The following CPPED1 variants were observed in gnomAD, a reference collection of about 807,000 sequenced individuals.
CPPED1 encodes calcineurin like phosphoesterase domain containing 1.
Under a neutral mutation model 28.0 loss-of-function variants are expected in CPPED1, and 28 were observed. The ratio of observed to expected loss-of-function variants is 1.00; its 90% CI spans 0.74 to 1.37. CPPED1 has a LOEUF of 1.37. Among genes scored for constraint, CPPED1 ranks in the 40% most tolerant of loss-of-function variants. The pLI is 0.00. For missense variants in CPPED1, 504 were observed against 416.5 expected, an observed-to-expected ratio of 1.21 and a Z score of -1.83; for synonymous variants, 198 against 180.2, an observed-to-expected ratio of 1.10 and a Z score of -0.79.
chr16:12,768,525 G>C (rs1315212371), intron 2 of CPPED1, among the ~76,000 whole-genome samples: 1 of 152,074 alleles, frequency 6.6e-6, no homozygotes, highest in Non-Finnish European at 1.5e-5. Context: ...TTTATATTTT[G>C]GTCAATTAAA....
chr16:12,771,634 GC>G (rs780987124), intron 2 of CPPED1, among the ~76,000 whole-genome samples: 9 of 152,162 alleles, frequency 5.9e-5, no homozygotes, highest in Non-Finnish European at 1.3e-4. Flanking sequence ...GCTTATTATG[GC>G]CTGTCTTGTA....
In CPPED1 at chr16:12,704,624, C is replaced by T. The variant is rs200125670; in HGVS notation, c.715G>A (p.Gly239Ser). The change falls in exon 3 of 4, where the codon GGT (glycine) becomes AGT (serine). Residue 239 changes from glycine (G) to serine (S), a missense_variant and splice_region_variant. Coordinates refer to ENST00000381774, the MANE Select transcript of CPPED1 (RefSeq NM_018340.3). ...GAAACCCGTGGCCCGGGGCCTCTAC[C>T]TGCGTGGATGAACTTGTCTGCCAAC... ...KKLADKFIHA[G>S]VKVVFSGHYH... 216 of 1,606,080 alleles carry T rather than the reference C, an allele frequency of 1.3e-4. No homozygotes were observed. Among genetic ancestry groups the T allele is most frequent in the Non-Finnish European group, 1.7e-4 (200 of 1,174,690 alleles).
In CPPED1 at chr16:12,697,382, C is replaced by CCCCA. The variant is rs1555484910; in HGVS notation, c.715+7241_715+7242insTGGG. Among the ~76,000 whole-genome samples the CCCCA allele has an allele frequency of 2.6e-3, 394 of 151,600 alleles. 4 individuals carry two copies. Among genetic ancestry groups the CCCCA allele is most frequent in the African/African-American group, 9.1e-3 (378 of 41,430 alleles). On this transcript the variant is annotated intron_variant, in intron 3 of 3. Transcript: ENST00000381774. The stretch of plus-strand genomic sequence containing the variant: ...CACCATGGACCCTCTTGTCTGCAAT[C>CCCCA]CATCACATCCTGGTCTTCAGGGGAA...
At position 12,678,827 on chromosome 16, in the gene CPPED1, T is replaced by C. The variant is rs563323540; in HGVS notation, c.716-13712A>G. 2.6e-5 allele frequency among the ~76,000 whole-genome samples: 4 copies of C among 152,342 alleles called. No homozygotes were observed. The East Asian group carries it at 7.7e-4, about 29-fold the overall frequency. On this transcript the variant is annotated intron_variant, in intron 3 of 3. Transcript: ENST00000381774. ...TTCTAAGTTAAAAAAAATCGTATCA[T>C]CTGCAAATAGGCCATTTTACTTCCT...
chr16:12,755,446 T>A (rs752103206), intron 2 of CPPED1, among the ~76,000 whole-genome samples: 28 of 151,822 alleles, frequency 1.8e-4, no homozygotes, highest in Admixed American at 7.9e-4. Flanking sequence ...CATGCCTGGC[T>A]AATTTTTGTA....
At chr16:12,793,582 A>G (rs1318162585) in intron 1 of CPPED1, among the ~76,000 whole-genome samples, 1 of 152,214 alleles carries the variant, frequency 6.6e-6, no homozygotes. Flanking sequence ...TCCTACCTCA[A>G]AAGGGTTGTT....
chr16:12,771,439 G>T (rs978852200), intron 2 of CPPED1, among the ~76,000 whole-genome samples: 2 of 152,188 alleles, frequency 1.3e-5, no homozygotes, highest in African/African-American at 2.4e-5. Context: ...CTTGCACTGG[G>T]CACTAAATGA....
chr16:12,761,822 C>T (rs1029740332), intron 2 of CPPED1, among the ~76,000 whole-genome samples: 4 of 152,086 alleles, frequency 2.6e-5, no homozygotes, highest in African/African-American at 7.2e-5. Flanking sequence ...ACCAGCTTGG[C>T]CAACATGGCA....
chr16:12,709,633 T>C lies in CPPED1; in HGVS notation c.290-4584A>G, dbSNP rs2080069329. On this transcript the variant is annotated intron_variant, in intron 2 of 3. Transcript: ENST00000381774. The surrounding 1 kb of genome is among the most constrained non-coding windows in gnomAD (Gnocchi z 4.4). ...GCAGACATTAGTATCTTGGTTGTTT[T>C]CCAAATAGCCTTAAAATACATTGTC... is the stretch of plus-strand genomic sequence containing the variant. Among the ~76,000 whole-genome samples the C allele has an allele frequency of 6.6e-6, 1 of 152,220 alleles. No homozygotes were observed. The highest frequency in any genetic ancestry group is 2.4e-5 in the African/African-American group (1 of 41,460).
chr16:12,691,715 A>G (rs1000791684), intron 3 of CPPED1, among the ~76,000 whole-genome samples: 5 of 151,344 alleles, frequency 3.3e-5, no homozygotes, highest in African/African-American at 9.7e-5. Context: ...CGCAAGGACA[A>G]AAGACCAAAC....
At chr16:12,726,047 A>T (rs2080168276) in intron 2 of CPPED1, among the ~76,000 whole-genome samples, 1 of 149,008 alleles carries the variant, frequency 6.7e-6, no homozygotes, top group Non-Finnish European at 1.5e-5. Flanking sequence ...AGAAAAAATC[A>T]TTTTTTTTTT....
At chr16:12,727,356 GTTTC>G (rs1442478410) in intron 2 of CPPED1, among the ~76,000 whole-genome samples, 4 of 152,090 alleles carry the variant, frequency 2.6e-5, no homozygotes, top group Non-Finnish European at 5.9e-5. Flanking sequence ...AAAGCCTTTT[GTTTC>G]TTTGTTTGTT....
Position 12,711,247 on chromosome 16 carries a change from T to C in CPPED1, c.290-6198A>G, listed in dbSNP as rs76021733. Among the ~76,000 whole-genome samples, 401 of 152,286 alleles carry C rather than the reference T, an allele frequency of 2.6e-3. 2 individuals carry two copies. Among genetic ancestry groups the C allele is most frequent in the African/African-American group, 9.1e-3 (380 of 41,558 alleles). On this transcript the variant is annotated intron_variant, in intron 2 of 3. Coordinates refer to ENST00000381774, the MANE Select transcript of CPPED1 (RefSeq NM_018340.3). ...TAAGTCATGCAGAAAAAACAAATAC[T>C]GTTTGATGTCACTTATATGAGGCAC...
chr16:12,667,388 C>G (rs1163924791), intron 3 of CPPED1, among the ~76,000 whole-genome samples: 1 of 152,078 alleles, frequency 6.6e-6, no homozygotes, highest in Non-Finnish European at 1.5e-5. Context: ...TGAATGAGAA[C>G]AGGAGGTAAT....
intron 2 of CPPED1, among the ~76,000 whole-genome samples, chr16:12,779,593 T>A (rs1347915032): frequency 1.3e-5 from 2 of 152,134 alleles, no homozygotes; most frequent in East Asian, 3.9e-4. Flanking sequence ...TTTCACCATG[T>A]TGGCCAGGCT....
intron 1 of CPPED1, among the ~76,000 whole-genome samples, chr16:12,795,947 G>A (rs2080625116): frequency 6.6e-6 from 1 of 151,968 alleles, no homozygotes; most frequent in Admixed American, 6.6e-5. Flanking sequence ...GCCAGGTGCA[G>A]TGGCATGCAC....
At chr16:12,717,376 G>T (rs1273933576) in intron 2 of CPPED1, among the ~76,000 whole-genome samples, 1 of 152,164 alleles carries the variant, frequency 6.6e-6, no homozygotes, top group African/African-American at 2.4e-5. Flanking sequence ...CCATTCTCCT[G>T]CCTCAGTCTC....
rs71142517 is a variant in CPPED1 at position 12,734,058 on chromosome 16, G to GTTTTTTT, written c.290-29016_290-29010dup. 2.9e-3 allele frequency among the ~76,000 whole-genome samples: 187 copies of GTTTTTTT among 64,426 alleles called. 43 individuals are homozygous for GTTTTTTT. The highest frequency in any genetic ancestry group is 0.014 in the African/African-American group (160 of 11,728). The allele number at this position is 64,426 out of a possible 152,430, so 42.3% of individuals were successfully genotyped here. A position where few individuals can be genotyped will look rare whatever the true frequency, so the allele number is the denominator to read the frequency against. ...CTTTGTCTCTGTTTTCAAATTACAC[G>GTTTTTTT]TTTTTTTTTTTTTTTTTTTTTTTTT... On this transcript the variant is annotated intron_variant, in intron 2 of 3. Transcript: ENST00000381774.
chr16:12,709,980 G>GGAAGGGAAGA lies in CPPED1; in HGVS notation c.290-4941_290-4932dup, dbSNP rs1219927840. On this transcript the variant is annotated intron_variant, in intron 2 of 3. Transcript: ENST00000381774. This position sits in a 1 kb window ranked among gnomAD's most constrained non-coding sequence, Gnocchi z 4.4. ...GAAGGGAAGGAAGGCAAGGAAGGAA[G>GGAAGGGAAGA]GAAGGGAAGAGAAGAGAAGGAAGGA... Among the ~76,000 whole-genome samples, 3 of 148,330 alleles carry GGAAGGGAAGA rather than the reference G, an allele frequency of 2.0e-5. No homozygotes were observed. Among genetic ancestry groups the GGAAGGGAAGA allele is most frequent in the African/African-American group, 7.5e-5 (3 of 40,156 alleles).
Sources: gnomAD v4.1 joint callset for allele counts (sites outside exome capture counted in the v4.1 genomes callset) on GRCh38, gnomAD v4.1.1 for gene constraint, Gnocchi (gnomAD v3.1) non-coding constraint, MANE v1.5 for transcripts, NCBI Gene and HGNC (gene_info 2026-07-23, HGNC 2026-07-21) for gene names.